Variants in GALNT13 observed in about 807,000 individuals in gnomAD.
GALNT13 encodes polypeptide N-acetylgalactosaminyltransferase 13, also known as UDP-GalNAc:polypeptide N-acetylgalactosaminyltransferase 13.
Under a neutral mutation model 64.2 loss-of-function variants are expected in GALNT13, and 28 were observed. The ratio of observed to expected loss-of-function variants is 0.44; its 90% CI spans 0.32 to 0.60. The LOEUF (loss-of-function observed/expected upper bound fraction) is 0.60, where lower values mean the gene tolerates loss of function less well. Among genes scored for constraint, GALNT13 ranks in the 20% least tolerant of loss-of-function variants. GALNT13 has a pLI of 0.05. For synonymous variants in GALNT13, 214 were observed against 224.6 expected, an observed-to-expected ratio of 0.95 and a Z score of 0.42; for missense variants, 577 against 669.8, an observed-to-expected ratio of 0.86 and a Z score of 1.53.
At chr2:154,056,358 A>G (rs2105357205) in intron 3 of GALNT13, among the ~76,000 whole-genome samples, 1 of 152,268 alleles carries the variant, frequency 6.6e-6, no homozygotes. Flanking sequence ...TCATAGAAAA[A>G]TTTTGGTAGC....
At position 154,150,937 on chromosome 2, in the gene GALNT13, C is replaced by T. The variant is rs989820045; in HGVS notation, c.311+10432C>T. Among the ~76,000 whole-genome samples the T allele has an allele frequency of 1.5e-4, 23 of 152,012 alleles. No individual in the cohort carries two copies. The East Asian group carries it at 2.1e-3, about 14-fold the overall frequency. On this transcript the variant is annotated intron_variant, in intron 4 of 12. Coordinates refer to ENST00000392825, the MANE Select transcript of GALNT13 (RefSeq NM_052917.4). The stretch of plus-strand genomic sequence containing the variant: ...TTTGTGTCTCTATTTCCTTCAGTTC[C>T]GCTCTGATTTTAGTTATTACTTGCC...
intron 12 of GALNT13, among the ~76,000 whole-genome samples, chr2:154,439,358 TA>T (rs1559155930): frequency 1.3e-5 from 2 of 152,276 alleles, no homozygotes; most frequent in Admixed American, 1.3e-4. Context: ...ATGGAGCTAA[TA>T]AAAAAGAAAT....
chr2:154,233,978 A>G (rs960234667), intron 4 of GALNT13, among the ~76,000 whole-genome samples: 8 of 152,156 alleles, frequency 5.3e-5, no homozygotes, highest in African/African-American at 1.9e-4. Context: ...CCAGCAGGCC[A>G]GATAAATTTA....
At chr2:153,998,486 G>C (rs1219572181) in intron 3 of GALNT13, among the ~76,000 whole-genome samples, 1 of 152,068 alleles carries the variant, frequency 6.6e-6, no homozygotes, top group African/African-American at 2.4e-5. Context: ...TTTTTTGATA[G>C]AATTGTTTGT....
the GALNT13 span, among the ~76,000 whole-genome samples, chr2:153,293,809 G>GTA: frequency 6.6e-6 from 1 of 151,638 alleles, no homozygotes; most frequent in Non-Finnish European, 1.5e-5. Context: ...GTGTGTGTGT[G>GTA]TGAGACAGGG....
At chr2:153,534,526 CTTT>C in the GALNT13 span, among the ~76,000 whole-genome samples, 1 of 138,740 alleles carries the variant, frequency 7.2e-6, no homozygotes. Flanking sequence ...TTCTTTCTTT[CTTT>C]TTTTTTTTTT....
At chr2:154,154,095 A>G (rs1299069464) in intron 4 of GALNT13, among the ~76,000 whole-genome samples, 1 of 152,172 alleles carries the variant, frequency 6.6e-6, no homozygotes, top group South Asian at 2.1e-4. Flanking sequence ...GTGTTCTTAT[A>G]TTTCTAATAT....
chr2:153,896,542 T>A (rs2105281443), intron 1 of GALNT13, among the ~76,000 whole-genome samples: 1 of 152,148 alleles, frequency 6.6e-6, no homozygotes, highest in Non-Finnish European at 1.5e-5. Context: ...AAAACATTTA[T>A]GATTTTGAAT....
intron 3 of GALNT13, among the ~76,000 whole-genome samples, chr2:154,014,324 G>T (rs1033275668): frequency 6.6e-6 from 1 of 152,060 alleles, no homozygotes; most frequent in Non-Finnish European, 1.5e-5. Context: ...CTAGGATTAC[G>T]GGGGTCTGTG....
At chr2:153,433,112 T>C in the GALNT13 span, among the ~76,000 whole-genome samples, 1 of 152,056 alleles carries the variant, frequency 6.6e-6, no homozygotes, top group Non-Finnish European at 1.5e-5. Flanking sequence ...TGGAAATAAT[T>C]AGAGAAATTT....
the GALNT13 span, among the ~76,000 whole-genome samples, chr2:153,745,634 T>G: frequency 6.6e-6 from 1 of 152,204 alleles, no homozygotes; most frequent in South Asian, 2.1e-4. Context: ...TAAGCAAAAG[T>G]TTATTTAACA....
At chr2:153,532,794 C>G in the GALNT13 span, among the ~76,000 whole-genome samples, 1 of 152,182 alleles carries the variant, frequency 6.6e-6, no homozygotes, top group Non-Finnish European at 1.5e-5. Flanking sequence ...CAAAGTTCCA[C>G]AGATCCCTAG....
the GALNT13 span, among the ~76,000 whole-genome samples, chr2:153,786,715 T>C: frequency 2.0e-5 from 3 of 151,506 alleles, no homozygotes. Flanking sequence ...TAACAGCGGC[T>C]CCAAATTCCT....
chr2:153,779,967 A>AT, the GALNT13 span, among the ~76,000 whole-genome samples: 1 of 151,566 alleles, frequency 6.6e-6, no homozygotes, highest in African/African-American at 2.4e-5. Context: ...TAATGTATTC[A>AT]TTTTTTTCAA....
intron 1 of GALNT13, among the ~76,000 whole-genome samples, chr2:153,882,274 T>G (rs926262910): frequency 6.6e-6 from 1 of 151,912 alleles, no homozygotes; most frequent in Admixed American, 6.6e-5. Context: ...GGCTCAATAA[T>G]GCTGAAAAAA....
At chr2:153,389,102 A>G in the GALNT13 span, among the ~76,000 whole-genome samples, 1 of 152,086 alleles carries the variant, frequency 6.6e-6, no homozygotes, top group Non-Finnish European at 1.5e-5. Context: ...GGCTCTAATC[A>G]CCGCCTACAT....
At chr2:153,529,607 A>T in the GALNT13 span, among the ~76,000 whole-genome samples, 68 of 151,856 alleles carry the variant, frequency 4.5e-4, no homozygotes, top group East Asian at 0.011. Flanking sequence ...AAGACACATT[A>T]AAAAAAATAC....
At chr2:153,420,648 G>A in the GALNT13 span, 5 of 218,658 alleles carry the variant, frequency 2.3e-5, no homozygotes, top group South Asian at 8.1e-5. Context: ...ATGACATGCT[G>A]CAGGGCTGAA....
At chr2:153,725,875 A>C in the GALNT13 span, among the ~76,000 whole-genome samples, 2 of 151,368 alleles carry the variant, frequency 1.3e-5, no homozygotes, top group Admixed American at 1.3e-4. Flanking sequence ...CATTCTTTAC[A>C]CTATCTTTTG....
Sources: gnomAD v4.1 joint callset for allele counts (sites outside exome capture counted in the v4.1 genomes callset) on GRCh38, gnomAD v4.1.1 for gene constraint, MANE v1.5 for transcripts, NCBI Gene and HGNC (gene_info 2026-07-23, HGNC 2026-07-21) for gene names.